The following EPB41L4A variants were observed in gnomAD, a reference collection of about 807,000 sequenced individuals.
EPB41L4A encodes band 4.1-like protein 4A.
A neutral mutation model predicts 108.6 loss-of-function variants in EPB41L4A; 100 were observed. The ratio of observed to expected loss-of-function variants is 0.92; its 90% confidence interval spans 0.78 to 1.09. The LOEUF is 1.09. Ranked by LOEUF, EPB41L4A falls within the 50% of genes least tolerant of loss-of-function variation. The probability of loss-of-function intolerance (pLI) is 0.00; values close to 1 mark genes in which losing one functional copy is unlikely to be tolerated. For synonymous variants in EPB41L4A, 319 were observed against 289.0 expected, an observed-to-expected ratio of 1.10 and a Z score of -1.05; for missense variants, 1,030 against 842.7, an observed-to-expected ratio of 1.22 and a Z score of -2.75.
At chr5:112,419,489 T>G, upstream of EPB41L4A, 1 of 375,858 alleles carries the variant, frequency 2.7e-6, no homozygotes, top group Non-Finnish European at 5.2e-6. Context: ...CCGCACGGAT[T>G]TGAGCGCGGC....
downstream of EPB41L4A, among the ~76,000 whole-genome samples, chr5:112,159,440 A>G (rs1192990777): frequency 1.3e-5 from 2 of 152,244 alleles, no homozygotes; most frequent in Non-Finnish European, 2.9e-5. Flanking sequence ...TATGGTTATC[A>G]GGAAAAAAGC....
chr5:112,212,699 T>G (rs1164256117), intron 12 of EPB41L4A, among the ~76,000 whole-genome samples: 1 of 152,180 alleles, frequency 6.6e-6, no homozygotes, highest in Non-Finnish European at 1.5e-5. Context: ...AGGAGCTTCA[T>G]GTCCTAGGGC....
At chr5:112,260,997 T>C (rs1751448711) in intron 7 of EPB41L4A, among the ~76,000 whole-genome samples, 1 of 152,226 alleles carries the variant, frequency 6.6e-6, no homozygotes, top group South Asian at 2.1e-4. Flanking sequence ...ATTATACAAA[T>C]GTAGAAGCAT....
intron 14 of EPB41L4A, 140 bp from the exon 15 acceptor site, chr5:112,204,628 C>A: frequency 6.0e-6 from 3 of 498,518 alleles, no homozygotes; most frequent in East Asian, 2.9e-5. Context: ...TCTTTGCTGA[C>A]AAGATTTATT....
rs1561502038 is a variant in EPB41L4A at position 112,240,642 on chromosome 5, A to T, written c.887+77T>A. ...GGAAACAATTCCAAATTTCTGTTTTAGACAGAATTCTTTTTATAAAAATAA... is the reference window on the plus strand; with the variant it reads ...GGAAACAATTCCAAATTTCTGTTTTTGACAGAATTCTTTTTATAAAAATAA... On this transcript the variant is annotated intron_variant, in intron 10 of 22. Coordinates refer to ENST00000261486, the MANE Select transcript of EPB41L4A (RefSeq NM_022140.5). 3.7e-6 allele frequency: 3 copies of T among 800,526 alleles called. No homozygotes were observed. In the East Asian group the frequency reaches 8.5e-5, roughly 23 times the overall value. The allele number at this position is 800,526 out of a possible 1,614,324, so 49.6% of individuals were successfully genotyped here.
chr5:112,264,082 GGATTGCAGGCGT>G (rs1486735236), intron 6 of EPB41L4A: 1 of 151,866 alleles, frequency 6.6e-6, no homozygotes, highest in Non-Finnish European at 1.5e-5. Context: ...CAAAGTGCTG[GGATTGCAGGCGT>G]GAGCCACCAC....
chr5:112,262,682 A>G, intron 6 of EPB41L4A, 101 bp from the exon 7 acceptor site: 2 of 1,001,966 alleles, frequency 2.0e-6, no homozygotes, highest in Non-Finnish European at 3.0e-6. Context: ...AACAAATAAT[A>G]CTTTTTACTA....
intron 7 of EPB41L4A, among the ~76,000 whole-genome samples, chr5:112,260,192 T>C (rs909276840): frequency 1.3e-5 from 2 of 152,256 alleles, no homozygotes; most frequent in East Asian, 3.8e-4. Flanking sequence ...GCGTTCTTCA[T>C]ACTTGTTACT....
intron 9 of EPB41L4A, among the ~76,000 whole-genome samples, chr5:112,246,042 G>C (rs1750189770): frequency 1.3e-5 from 2 of 152,342 alleles, no homozygotes; most frequent in South Asian, 4.1e-4. Context: ...AATTCAGAAA[G>C]TGTTTTCCTT....
chr5:112,286,551 A>C (rs1753294905), intron 2 of EPB41L4A, among the ~76,000 whole-genome samples: 1 of 152,190 alleles, frequency 6.6e-6, no homozygotes, highest in South Asian at 2.1e-4. Flanking sequence ...GGAAACAATC[A>C]TAAGAGAAAT....
downstream of EPB41L4A, among the ~76,000 whole-genome samples, chr5:112,141,868 G>A (rs971331533): frequency 1.3e-5 from 2 of 152,114 alleles, no homozygotes; most frequent in African/African-American, 4.8e-5. Flanking sequence ...CCAGCAATTT[G>A]TGCATTTCAG....
intron 12 of EPB41L4A, among the ~76,000 whole-genome samples, chr5:112,225,255 C>T (rs1280722503): frequency 6.6e-6 from 1 of 152,228 alleles, no homozygotes; most frequent in Non-Finnish European, 1.5e-5. Flanking sequence ...AAATGGAGCA[C>T]CCTCTGGCTT....
chr5:112,328,698 G>T (rs1032956153), intron 1 of EPB41L4A, among the ~76,000 whole-genome samples: 5 of 152,102 alleles, frequency 3.3e-5, no homozygotes, highest in African/African-American at 1.2e-4. Context: ...AGATTTTAAC[G>T]TTGACACTTT....
rs1760498621 is a variant in EPB41L4A, at chr5:112,170,294, C to T, written c.1739+7G>A. ...GCTTTGGTGAGAAGATTCTGAAAGG[C>T]ACTCACTCTATTTTAGTGTATGGAA... On this transcript the variant is annotated splice_region_variant and intron_variant, in intron 20 of 22. Coordinates refer to ENST00000261486, the MANE Select transcript of EPB41L4A (RefSeq NM_022140.5). The T allele has an allele frequency of 2.5e-6, 4 of 1,611,972 alleles. No individual in the cohort carries two copies. The African/African-American group carries it at 4.0e-5, about 16-fold the overall frequency.
chr5:112,406,683 T>C (rs1257347440), intron 1 of EPB41L4A, among the ~76,000 whole-genome samples: 3 of 152,074 alleles, frequency 2.0e-5, no homozygotes, highest in African/African-American at 7.2e-5. Flanking sequence ...GTGATGGGAT[T>C]GGCAGTGAAA....
Position 112,208,022 on chromosome 5 carries a change from C to T in EPB41L4A, c.1178+1870G>A, listed in dbSNP as rs545851436. ...CAGCACTTTGGGATGCCAAGGCAGG[C>T]GGATCCCGAGGTCAAGAGATGCAGA... On this transcript the variant is annotated intron_variant, in intron 13 of 22. Transcript: ENST00000261486. 1.3e-4 allele frequency among the ~76,000 whole-genome samples: 20 copies of T among 152,162 alleles called. 1 individual carries two copies. The South Asian group carries it at 3.7e-3, about 28-fold the overall frequency.
intron 11 of EPB41L4A, among the ~76,000 whole-genome samples, chr5:112,239,383 A>C (rs1207182433): frequency 2.0e-5 from 3 of 152,208 alleles, no homozygotes; most frequent in African/African-American, 7.2e-5. Flanking sequence ...ACATAATTAA[A>C]AATAAGTGAT....
intron 17 of EPB41L4A, among the ~76,000 whole-genome samples, chr5:112,186,206 A>T (rs901102591): frequency 1.7e-4 from 26 of 152,180 alleles, no homozygotes; most frequent in Non-Finnish European, 1.0e-4. Context: ...TGTGTCAGGA[A>T]GTCGGGGCGT....
At position 112,155,609 on chromosome 5, in the gene EPB41L4A, A is replaced by G. The variant is rs1413774108; in HGVS notation, n.994+2792T>C. Reference sequence around the variant, plus strand: ...CCCCACCACCACATCTTCCTCCCTAATTATAACAATGAGACTGAATAAAAG... The same window carrying G: ...CCCCACCACCACATCTTCCTCCCTAGTTATAACAATGAGACTGAATAAAAG... On this transcript the variant is annotated intron_variant and non_coding_transcript_variant, in intron 12 of 13. Transcript: ENST00000507810. Among the ~76,000 whole-genome samples the G allele has an allele frequency of 3.9e-5, 6 of 152,102 alleles. No homozygotes were observed. The East Asian group carries it at 9.6e-4, about 24-fold the overall frequency.
Sources: allele counts gnomAD v4.1 joint callset (sites outside exome capture counted in the v4.1 genomes callset), GRCh38; gene constraint gnomAD v4.1.1; transcripts MANE v1.5; gene names NCBI Gene and HGNC (gene_info 2026-07-23, HGNC 2026-07-21).